The following SOCS5 variants were observed in gnomAD, a reference collection of about 807,000 sequenced individuals.
SOCS5 encodes CIS-6.
SOCS5 carries 32 observed loss-of-function variants against 42.8 expected under a neutral mutation model. The ratio of observed to expected loss-of-function variants is 0.75; its 90% CI spans 0.56 to 1.01. The LOEUF (loss-of-function observed/expected upper bound fraction) is 1.01. Ranked by LOEUF, SOCS5 falls within the 50% of genes least tolerant of loss-of-function variation. The pLI is 0.00. For missense variants in SOCS5, 627 were observed against 653.0 expected, an observed-to-expected ratio of 0.96 and a Z score of 0.43; for synonymous variants, 283 against 229.6, an observed-to-expected ratio of 1.23 and a Z score of -2.10.
intron 1 of SOCS5, among the ~76,000 whole-genome samples, chr2:46,706,033 G>T (rs923846813): frequency 4.6e-5 from 7 of 152,200 alleles, no homozygotes; most frequent in Non-Finnish European, 1.0e-4. Flanking sequence ...TATTGTGGTT[G>T]TTGCCGGGCC....
chr2:46,752,623 G>A (rs1164108893), intron 1 of SOCS5, among the ~76,000 whole-genome samples: 2 of 152,130 alleles, frequency 1.3e-5, no homozygotes, highest in Non-Finnish European at 2.9e-5. Context: ...TGTTTTGAGT[G>A]TTACATTTTA....
rs1378076230 is a variant in SOCS5, at chr2:46,706,720, A to G, written c.-13+7271A>G. 3.9e-5 allele frequency among the ~76,000 whole-genome samples: 6 copies of G among 152,338 alleles called. No individual in the cohort carries two copies. The East Asian group carries it at 9.6e-4, about 24-fold the overall frequency. On this transcript the variant is annotated intron_variant, in intron 1 of 1. Transcript: ENST00000394861. ...GCTATAAAGTAGTAATGTGAAAAAC[A>G]TTAGGATGGCATGGAAATAAGCATA...
intron 1 of SOCS5, among the ~76,000 whole-genome samples, chr2:46,732,888 T>G (rs938338447): frequency 6.6e-6 from 1 of 152,194 alleles, no homozygotes; most frequent in African/African-American, 2.4e-5. Context: ...TAGTCTTTTA[T>G]ATGGTGATGA....
chr2:46,746,247 A>T (rs1234223518), intron 1 of SOCS5, among the ~76,000 whole-genome samples: 1 of 152,048 alleles, frequency 6.6e-6, no homozygotes. Context: ...TAGGCTATAG[A>T]CTCACATTCT....
chr2:46,719,826 GA>G (rs1346383675), intron 1 of SOCS5, among the ~76,000 whole-genome samples: 2 of 152,170 alleles, frequency 1.3e-5, no homozygotes, highest in African/African-American at 4.8e-5. Flanking sequence ...CCTGAAAGAA[GA>G]ATGACCTTAA....
At chr2:46,718,095 TTGTGTGTG>T (rs10539315) in intron 1 of SOCS5, among the ~76,000 whole-genome samples, 1 of 150,224 alleles carries the variant, frequency 6.7e-6, no homozygotes, top group Non-Finnish European at 1.5e-5. Flanking sequence ...TTCTTGTGTT[TTGTGTGTG>T]TGTGTGTGTG....
intron 1 of SOCS5, among the ~76,000 whole-genome samples, chr2:46,757,221 C>T (rs1012590775): frequency 1.3e-5 from 2 of 152,062 alleles, no homozygotes; most frequent in African/African-American, 2.4e-5. Flanking sequence ...AAAATATAAG[C>T]GTTTATGACA....
intron 1 of SOCS5, among the ~76,000 whole-genome samples, chr2:46,733,535 C>A (rs761888514): frequency 6.2e-5 from 9 of 145,126 alleles, no homozygotes; most frequent in Non-Finnish European, 1.2e-4. Flanking sequence ...ATTGCACCAG[C>A]CTAGGTGACA....
chr2:46,708,872 C>A (rs1309515960), intron 1 of SOCS5, among the ~76,000 whole-genome samples: 1 of 144,186 alleles, frequency 6.9e-6, no homozygotes, highest in Non-Finnish European at 1.5e-5. Context: ...GATACTGAAT[C>A]CTGAAGCCTT....
At chr2:46,703,325 G>A (rs545496737) in intron 1 of SOCS5, among the ~76,000 whole-genome samples, 1 of 151,596 alleles carries the variant, frequency 6.6e-6, no homozygotes, top group African/African-American at 2.4e-5. Flanking sequence ...GGCTAAGAAA[G>A]CCACATGTAG....
intron 1 of SOCS5, among the ~76,000 whole-genome samples, chr2:46,715,183 A>G (rs1322817208): frequency 1.3e-5 from 2 of 152,164 alleles, no homozygotes; most frequent in South Asian, 2.1e-4. Flanking sequence ...AGCCTGAGCA[A>G]CATAGTAGGA....
chr2:46,752,212 C>G (rs1198263425), intron 1 of SOCS5, among the ~76,000 whole-genome samples: 1 of 151,274 alleles, frequency 6.6e-6, no homozygotes, highest in Admixed American at 6.6e-5. Context: ...AGCTCTACCT[C>G]CTGTCTAGTC....
Position 46,740,335 on chromosome 2 carries a change from T to A in SOCS5, c.-12-18184T>A, listed in dbSNP as rs147192817. 2.0e-4 allele frequency among the ~76,000 whole-genome samples: 30 copies of A among 152,274 alleles called. No individual in the cohort carries two copies. The East Asian group carries it at 5.8e-3, about 29-fold the overall frequency. On this transcript the variant is annotated intron_variant, in intron 1 of 1. Transcript: ENST00000394861. Reference sequence around the variant, plus strand: ...ATGGGAATGAGCTTAACCAATCAGGTTCTGACAGGCCTTACAATTGGCTAT... The same window carrying A: ...ATGGGAATGAGCTTAACCAATCAGGATCTGACAGGCCTTACAATTGGCTAT...
chr2:46,718,620 T>G (rs1672805973), intron 1 of SOCS5, among the ~76,000 whole-genome samples: 1 of 152,174 alleles, frequency 6.6e-6, no homozygotes, highest in East Asian at 1.9e-4. Context: ...TAAGTTTAAT[T>G]AACAGAGCTA....
rs747624486 is a variant in SOCS5, at chr2:46,758,978, C to A, written c.448C>A (p.Gln150Lys). 2 of 1,613,906 alleles carry A rather than the reference C, an allele frequency of 1.2e-6. No homozygotes were observed. The highest frequency in any genetic ancestry group is 1.7e-6 in the Non-Finnish European group (2 of 1,179,820). ...KKFGRTRSGL[Q>K]RRERRYGVSS... ...GTTTGGTAGAACTCGAAGTGGACTTCAAAGGAGAGAGAGGCGCTACGGCGT... is the reference window on the plus strand; with the variant it reads ...GTTTGGTAGAACTCGAAGTGGACTTAAAAGGAGAGAGAGGCGCTACGGCGT... Residue 150 changes from glutamine to lysine, a missense_variant, in exon 2 of 2, where the codon CAA (glutamine) becomes AAA (lysine). Coordinates refer to ENST00000394861, the MANE Select transcript of SOCS5 (RefSeq NM_144949.3).
chr2:46,724,660 T>C (rs1672954541), intron 1 of SOCS5, among the ~76,000 whole-genome samples: 1 of 152,058 alleles, frequency 6.6e-6, no homozygotes, highest in Middle Eastern at 3.2e-3. Context: ...TCACTAAATA[T>C]CTAGATTTTT....
chr2:46,740,753 C>A (rs971785924), intron 1 of SOCS5, among the ~76,000 whole-genome samples: 2 of 151,954 alleles, frequency 1.3e-5, no homozygotes, highest in East Asian at 3.8e-4. Flanking sequence ...GCTCCTCTTG[C>A]TGCTTCCTAG....
chr2:46,718,527 G>T (rs1672804354), intron 1 of SOCS5, among the ~76,000 whole-genome samples: 1 of 151,978 alleles, frequency 6.6e-6, no homozygotes. Flanking sequence ...ATCATTTTGG[G>T]TATCTTTTAT....
intron 1 of SOCS5, among the ~76,000 whole-genome samples, chr2:46,730,025 C>G (rs899452418): frequency 6.6e-6 from 1 of 152,160 alleles, no homozygotes; most frequent in Non-Finnish European, 1.5e-5. Flanking sequence ...TGAGCATACA[C>G]TTGGTTAGGA....
Sources: gnomAD v4.1 joint callset for allele counts (sites outside exome capture counted in the v4.1 genomes callset) on GRCh38, gnomAD v4.1.1 for gene constraint, MANE v1.5 for transcripts, NCBI Gene and HGNC (gene_info 2026-07-23, HGNC 2026-07-21) for gene names.